Variants in BRSK2 observed in about 807,000 individuals in gnomAD.
The protein encoded by BRSK2 is serine/threonine-protein kinase BRSK2.
A neutral mutation model predicts 83.3 loss-of-function variants in BRSK2; 19 were observed. That is an observed-to-expected ratio of 0.23 (90% CI 0.16 to 0.33). BRSK2 has a LOEUF of 0.33. Ranked by LOEUF, BRSK2 falls within the 10% of genes least tolerant of loss-of-function variation. BRSK2 has a pLI of 1.00. For missense variants in BRSK2, 798 were observed against 1,042.3 expected (o/e 0.77, Z 3.23); for synonymous variants, 519 against 435.4 (o/e 1.19, Z -2.39).
intron 1 of BRSK2, among the ~76,000 whole-genome samples, chr11:1,421,678 C>A (rs1406705936): frequency 2.0e-5 from 3 of 152,206 alleles, no homozygotes; most frequent in Non-Finnish European, 4.4e-5. Flanking sequence ...TCCTTCCTGC[C>A]CCCTGCCCCA....
At chr11:1,435,926 G>A (rs1484747976) in intron 1 of BRSK2, 114 bp from the exon 2 acceptor site, 4 of 733,644 alleles carry the variant, frequency 5.5e-6, no homozygotes, top group South Asian at 1.9e-5. Flanking sequence ...CCTGGAGCGG[G>A]TGGGACCCCT....
At chr11:1,440,732 G>A (rs1407872477) in intron 3 of BRSK2, 56 bp from the exon 4 acceptor site, 1 of 1,529,022 alleles carries the variant, frequency 6.5e-7, no homozygotes, top group Non-Finnish European at 8.8e-7. Context: ...GCCCTGGGAT[G>A]AGGAGGGGCG....
chr11:1,400,894 C>T (rs929386837), intron 1 of BRSK2, among the ~76,000 whole-genome samples: 5 of 152,254 alleles, frequency 3.3e-5, no homozygotes, highest in African/African-American at 1.2e-4. Context: ...CCTGTGGCGT[C>T]TGCTCCTCTG....
intron 12 of BRSK2, among the ~76,000 whole-genome samples, chr11:1,446,916 G>A (rs1053352202): frequency 1.3e-5 from 2 of 152,136 alleles, no homozygotes; most frequent in African/African-American, 2.4e-5. Context: ...TGGGACAGGC[G>A]TGGCCTGTTC....
At position 1,449,762 on chromosome 11, in the gene BRSK2, C is replaced by T. The variant is rs1193857402; in HGVS notation, c.1227-14C>T. ...CCCTGGCTGAGCAGTGGCCCTGTACCTTGTGACCTCCAGGTCTCGGTCCAT... is the reference window on the plus strand; with the variant it reads ...CCCTGGCTGAGCAGTGGCCCTGTACTTTGTGACCTCCAGGTCTCGGTCCAT... On this transcript the variant is annotated splice_polypyrimidine_tract_variant and intron_variant, in intron 12 of 19. Coordinates refer to ENST00000528841, the MANE Select transcript of BRSK2 (RefSeq NM_001256627.2). The T allele has an allele frequency of 2.5e-6, 4 of 1,611,210 alleles. No individual in the cohort carries two copies. The highest frequency in any genetic ancestry group is 1.1e-5 in the South Asian group (1 of 90,824).
chr11:1,413,871 G>A (rs540666636), intron 1 of BRSK2, among the ~76,000 whole-genome samples: 69 of 152,246 alleles, frequency 4.5e-4, no homozygotes, highest in African/African-American at 1.6e-3. Flanking sequence ...GTGGGTAAGG[G>A]GCTGCTGCTG....
chr11:1,428,238 T>G (rs1415888721), intron 1 of BRSK2, among the ~76,000 whole-genome samples: 3 of 152,164 alleles, frequency 2.0e-5, no homozygotes, highest in Non-Finnish European at 4.4e-5. Flanking sequence ...TCTTGGTGGC[T>G]GTGGCTCCTC....
intron 2 of BRSK2, 50 bp downstream of exon 2, chr11:1,436,184 GAATAGCACAGGGGT>G: frequency 9.9e-6 from 2 of 201,436 alleles, no homozygotes; most frequent in Non-Finnish European, 1.0e-5. Context: ...GTGGGGCGGG[GAATAGCACAGGGGT>G]GGGAGCCAAG....
chr11:1,405,477 T>C (rs1326175578), intron 1 of BRSK2, among the ~76,000 whole-genome samples: 2 of 151,986 alleles, frequency 1.3e-5, no homozygotes, highest in African/African-American at 4.8e-5. Context: ...AGTTGAGAAG[T>C]TGGGATCCTA....
chr11:1,434,160 C>T (rs1026532126), intron 1 of BRSK2, among the ~76,000 whole-genome samples: 6 of 152,252 alleles, frequency 3.9e-5, no homozygotes, highest in African/African-American at 1.4e-4. Context: ...CCAGAGCACA[C>T]CCACACGGTC....
At position 1,460,916 on chromosome 11, in the gene BRSK2, G is replaced by C. The variant is rs905984226; in HGVS notation, c.*193G>C. 6.2e-6 allele frequency: 10 copies of C among 1,611,188 alleles called. No individual in the cohort carries two copies. Among genetic ancestry groups the C allele is most frequent in the East Asian group, 2.2e-5 (1 of 44,840 alleles). ...CCCGCGCCCGCTCTCTTTTCTCTCT[G>C]TCTCTGCCTCTGCCTGTCTCTGACA... On this transcript the variant is annotated 3_prime_UTR_variant, in exon 20 of 20. Coordinates refer to ENST00000528841, the MANE Select transcript of BRSK2 (RefSeq NM_001256627.2).
At position 1,461,462 on chromosome 11, in the gene BRSK2, T is replaced by C. The variant is rs747147681; in HGVS notation, c.*739T>C. ...GGCTGTGGGCTCTGGCGCTCCTCTCTGGCTGAGGTGGAAACAGAGACACCC... is the reference window on the plus strand; with the variant it reads ...GGCTGTGGGCTCTGGCGCTCCTCTCCGGCTGAGGTGGAAACAGAGACACCC... On this transcript the variant is annotated 3_prime_UTR_variant, in exon 20 of 20. Transcript: ENST00000528841. 5.1e-5 allele frequency: 11 copies of C among 213,728 alleles called. No individual in the cohort carries two copies. The highest frequency in any genetic ancestry group is 1.7e-3 in the Middle Eastern group (1 of 592). The allele number at this position is 213,728 out of a possible 1,614,324, so 13.2% of individuals were successfully genotyped here. A position where few individuals can be genotyped will look rare whatever the true frequency, so the allele number is the denominator to read the frequency against.
chr11:1,390,772 T>G lies in BRSK2; in HGVS notation c.91+397T>G, dbSNP rs1053662637. ...CATCTGCCGTCTGCCGCGGCCGCGC[T>G]AATAGGCGTGCTGCCCGAGCAGCTG... On this transcript the variant is annotated intron_variant, in intron 1 of 19. Transcript: ENST00000528841. This position sits in a 1 kb window ranked among gnomAD's most constrained non-coding sequence, Gnocchi z 6.8. Among the ~76,000 whole-genome samples, 1 of 151,852 alleles carries G rather than the reference T, an allele frequency of 6.6e-6. No homozygotes were observed. Among genetic ancestry groups the G allele is most frequent in the Admixed American group, 6.6e-5 (1 of 15,262 alleles).
chr11:1,418,693 T>C (rs576898356), intron 1 of BRSK2, among the ~76,000 whole-genome samples: 2 of 152,388 alleles, frequency 1.3e-5, no homozygotes, highest in South Asian at 4.1e-4. Flanking sequence ...TTGCATACGC[T>C]GTAATGTTTT....
intron 1 of BRSK2, among the ~76,000 whole-genome samples, chr11:1,419,070 G>A (rs1848387882): frequency 6.6e-6 from 1 of 152,236 alleles, no homozygotes; most frequent in African/African-American, 2.4e-5. Context: ...GTGAGTCTGG[G>A]CACCAGGGTG....
At chr11:1,449,155 G>T (rs1034785781) in intron 12 of BRSK2, among the ~76,000 whole-genome samples, 3 of 152,178 alleles carry the variant, frequency 2.0e-5, no homozygotes, top group African/African-American at 4.8e-5. Flanking sequence ...AGCCGGGCAC[G>T]CCGGGCCAGG....
intron 12 of BRSK2, 131 bp from the exon 13 acceptor site, chr11:1,449,645 A>T: frequency 1.4e-6 from 1 of 719,552 alleles, no homozygotes; most frequent in South Asian, 2.0e-5. Context: ...GTGCAGCAGG[A>T]CCCAGGGCCT....
intron 1 of BRSK2, among the ~76,000 whole-genome samples, chr11:1,402,161 T>TG (rs1270062810): frequency 6.6e-6 from 1 of 152,132 alleles, no homozygotes; most frequent in African/African-American, 2.4e-5. Context: ...TGGAGCAGCC[T>TG]GGGGAAGGCT....
chr11:1,429,188 CGT>C (rs1273937105), intron 1 of BRSK2, among the ~76,000 whole-genome samples: 10 of 137,076 alleles, frequency 7.3e-5, no homozygotes, highest in African/African-American at 2.5e-4. Flanking sequence ...GGTGCATGCG[CGT>C]GTGCATGGGT....
Sources: allele counts gnomAD v4.1 joint callset (sites outside exome capture counted in the v4.1 genomes callset), GRCh38; gene constraint gnomAD v4.1.1; non-coding constraint Gnocchi (gnomAD v3.1); transcripts MANE v1.5; gene names NCBI Gene and HGNC (gene_info 2026-07-23, HGNC 2026-07-21).